The following GANC variants were observed in gnomAD, a reference collection of about 807,000 sequenced individuals.
GANC encodes neutral alpha-glucosidase C.
GANC carries 117 observed loss-of-function variants against 124.2 expected under a neutral mutation model. The ratio of observed to expected loss-of-function variants is 0.94; its 90% CI spans 0.81 to 1.10. GANC has a LOEUF of 1.10. Among genes scored for constraint, GANC ranks in the 50% least tolerant of loss-of-function variants. The pLI is 0.00. For synonymous variants in GANC, 377 were observed against 376.8 expected, an observed-to-expected ratio of 1.00 and a Z score of -0.01; for missense variants, 1,140 against 1,095.0, an observed-to-expected ratio of 1.04 and a Z score of -0.58.
chr15:42,278,940 A>G (rs1193320805), intron 3 of GANC, among the ~76,000 whole-genome samples: 1 of 152,202 alleles, frequency 6.6e-6, no homozygotes, highest in African/African-American at 2.4e-5. Flanking sequence ...GGCTGCAGTG[A>G]GCCATGATAG....
chr15:42,278,892 G>T (rs1189650183), intron 3 of GANC, among the ~76,000 whole-genome samples: 1 of 152,176 alleles, frequency 6.6e-6, no homozygotes, highest in Non-Finnish European at 1.5e-5. Context: ...CTACTCAGGA[G>T]GCTGAGGTGG....
Position 42,293,590 on chromosome 15 carries a change from A to G in GANC, c.512+673A>G, listed in dbSNP as rs561423417. ...CTCATCTCAGAACTAATACTTGTTC[A>G]TCATAGGCAGATTAGAAAATATTGA... is the stretch of plus-strand genomic sequence containing the variant. On this transcript the variant is annotated intron_variant, in intron 5 of 23. Transcript: ENST00000318010. 2.2e-3 allele frequency among the ~76,000 whole-genome samples: 333 copies of G among 150,804 alleles called. 7 individuals carry two copies. Among genetic ancestry groups the G allele is most frequent in the Non-Finnish European group, 2.4e-3 (166 of 68,026 alleles).
intron 15 of GANC, among the ~76,000 whole-genome samples, chr15:42,333,865 A>G (rs1465912655): frequency 6.6e-6 from 1 of 152,178 alleles, no homozygotes; most frequent in Non-Finnish European, 1.5e-5. Context: ...TTTCTTTGGA[A>G]GCAGGGGCTG....
chr15:42,328,052 A>G (rs1202981155), intron 13 of GANC, among the ~76,000 whole-genome samples: 1 of 152,166 alleles, frequency 6.6e-6, no homozygotes, highest in Non-Finnish European at 1.5e-5. Context: ...CTATAACTAA[A>G]TCTAACCCCA....
At chr15:42,286,706 T>TCA (rs746397581) in intron 3 of GANC, among the ~76,000 whole-genome samples, 6 of 152,232 alleles carry the variant, frequency 3.9e-5, no homozygotes, top group Non-Finnish European at 8.8e-5. Context: ...GAGGCAAAGT[T>TCA]CCAGTAACAT....
In GANC at chr15:42,352,684, C is replaced by T. The variant is rs534021712; in HGVS notation, c.*545C>T. ...GTGGGAGTTATTCTCCCCTAGAGAT[C>T]GACTTGGCAGCACGAAGGATTCTTT... is the stretch of plus-strand genomic sequence containing the variant. On this transcript the variant is annotated 3_prime_UTR_variant, in exon 24 of 24. Coordinates refer to ENST00000318010, the MANE Select transcript of GANC (RefSeq NM_198141.3). The T allele has an allele frequency of 5.1e-6, 5 of 985,920 alleles. No homozygotes were observed. The highest frequency in any genetic ancestry group is 9.4e-5 in the South Asian group (2 of 21,284). The allele number at this position is 985,920 out of a possible 1,614,324, so 61.1% of individuals were successfully genotyped here.
chr15:42,342,809 T>A (rs1013510133), intron 18 of GANC, among the ~76,000 whole-genome samples: 2 of 152,198 alleles, frequency 1.3e-5, no homozygotes, highest in African/African-American at 4.8e-5. Context: ...ACCGATGGAC[T>A]GTGTCAGAGT....
Position 42,321,879 on chromosome 15 carries a change from G to A in GANC, c.1152G>A (p.Gly384=). The change falls in exon 11 of 24, where the codon GGG becomes GGA. Residue 384 remains glycine, a synonymous_variant. Transcript: ENST00000318010. ...DEQDVKAVDA[G]FDEHDIPYDA... The stretch of plus-strand genomic sequence containing the variant: ...AGGATGTAAAAGCAGTGGATGCAGG[G>A]TTTGATGAGCATGACATTCCTTATG... 1 of 1,614,222 alleles carries A rather than the reference G, an allele frequency of 6.2e-7. No homozygotes were observed. The highest frequency in any genetic ancestry group is 8.5e-7 in the Non-Finnish European group (1 of 1,180,038).
intron 7 of GANC, among the ~76,000 whole-genome samples, chr15:42,306,963 C>G (rs1377154310): frequency 6.6e-6 from 1 of 152,132 alleles, no homozygotes; most frequent in Non-Finnish European, 1.5e-5. Context: ...TAGAGCCACT[C>G]TGTTGCAACA....
chr15:42,333,239 A>G (rs1251196137), intron 15 of GANC, among the ~76,000 whole-genome samples: 1 of 151,726 alleles, frequency 6.6e-6, no homozygotes, highest in Non-Finnish European at 1.5e-5. Flanking sequence ...GAGGCAGGAG[A>G]ATTTCTTGCA....
At chr15:42,338,972 C>T (rs1213524749) in intron 16 of GANC, among the ~76,000 whole-genome samples, 1 of 152,016 alleles carries the variant, frequency 6.6e-6, no homozygotes, top group African/African-American at 2.4e-5. Flanking sequence ...TAAGATTTTC[C>T]AATGGACTAT....
At chr15:42,288,148 G>A (rs1012938411) in intron 4 of GANC, among the ~76,000 whole-genome samples, 10 of 152,152 alleles carry the variant, frequency 6.6e-5, no homozygotes, top group Non-Finnish European at 1.3e-4. Context: ...GACTATGGGA[G>A]CAAGTAGAAG....
At chr15:42,318,491 A>G (rs953597433) in intron 10 of GANC, among the ~76,000 whole-genome samples, 3 of 152,172 alleles carry the variant, frequency 2.0e-5, no homozygotes, top group East Asian at 1.9e-4. Flanking sequence ...TCCTCTGTAT[A>G]TAATCTATCT....
At chr15:42,328,691 T>C (rs1360330486) in intron 13 of GANC, among the ~76,000 whole-genome samples, 1 of 152,184 alleles carries the variant, frequency 6.6e-6, no homozygotes, top group Non-Finnish European at 1.5e-5. Flanking sequence ...CCCTGTCTTT[T>C]TAGCTATTCA....
At position 42,294,339 on chromosome 15, in the gene GANC, C is replaced by T. The variant is rs935614198; in HGVS notation, c.512+1422C>T. 8.7e-4 allele frequency among the ~76,000 whole-genome samples: 131 copies of T among 151,070 alleles called. 6 individuals are homozygous for T. Among genetic ancestry groups the T allele is most frequent in the African/African-American group, 2.9e-3 (118 of 40,634 alleles). On this transcript the variant is annotated intron_variant, in intron 5 of 23. Coordinates refer to ENST00000318010, the MANE Select transcript of GANC (RefSeq NM_198141.3). ...CTGTAACCCCAGCACTTTGGGAGGC[C>T]GAGGCAGGTGGATCACCTGAGGTCA...
intron 2 of GANC, chr15:42,278,103 C>A: frequency 3.0e-6 from 1 of 328,080 alleles, no homozygotes; most frequent in Non-Finnish European, 6.4e-6. Context: ...CCTTGTTAAA[C>A]CACTAGATTA....
intron 10 of GANC, chr15:42,313,698 G>A (rs1347135680): frequency 1.0e-5 from 2 of 193,100 alleles, no homozygotes; most frequent in Non-Finnish European, 2.1e-5. Context: ...GAAAGAGCTT[G>A]CAGGGCTCCT....
Position 42,306,566 on chromosome 15 carries a change from C to T in GANC, c.579C>T (p.Gly193=). Reference sequence around the variant, plus strand: ...AACAGGAAAATCAAGAAGATCTGGGCCTGTGGGAAGAGAAATTTGGAAAAT... The same window carrying T: ...AACAGGAAAATCAAGAAGATCTGGGTCTGTGGGAAGAGAAATTTGGAAAAT... The part of the protein sequence containing the change: ...DTSQENQEDL[G]LWEEKFGKFV... Residue 193 remains glycine (G), a synonymous_variant, in exon 7 of 24, where the codon GGC becomes GGT. Coordinates refer to ENST00000318010, the MANE Select transcript of GANC (RefSeq NM_198141.3). 1 of 1,612,758 alleles carries T rather than the reference C, an allele frequency of 6.2e-7. No individual in the cohort carries two copies. The highest frequency in any genetic ancestry group is 8.5e-7 in the Non-Finnish European group (1 of 1,179,508).
At chr15:42,287,933 A>G in intron 4 of GANC, 115 bp downstream of exon 4, 2 of 1,032,260 alleles carry the variant, frequency 1.9e-6, no homozygotes, top group South Asian at 1.8e-5. Context: ...AACTACAGTC[A>G]TTTAGGTTGG....
Sources: gnomAD v4.1 joint callset for allele counts (sites outside exome capture counted in the v4.1 genomes callset) on GRCh38, gnomAD v4.1.1 for gene constraint, MANE v1.5 for transcripts, NCBI Gene and HGNC (gene_info 2026-07-23, HGNC 2026-07-21) for gene names.